The following ASIC2 variants were observed in gnomAD, a reference collection of about 807,000 sequenced individuals.
The protein encoded by ASIC2 is acid sensing ion channel subunit 2.
ASIC2 carries 25 observed loss-of-function variants against 57.3 expected under a neutral mutation model. That is an observed-to-expected ratio of 0.44 (90% CI 0.32 to 0.61). The LOEUF is 0.61. ASIC2 is among the 20% of genes least tolerant of loss of function. ASIC2 has a pLI of 0.06. For synonymous variants in ASIC2, 319 were observed against 307.5 expected (o/e 1.04, Z -0.39); for missense variants, 641 against 738.1 (o/e 0.87, Z 1.52).
intron 1 of ASIC2, among the ~76,000 whole-genome samples, chr17:33,348,723 T>C (rs898013532): frequency 1.3e-5 from 2 of 152,190 alleles, no homozygotes; most frequent in East Asian, 1.9e-4. Context: ...CTGATAGGAT[T>C]GGGCCTGTGA....
intron 1 of ASIC2, among the ~76,000 whole-genome samples, chr17:33,315,123 T>C (rs567564041): frequency 6.6e-6 from 1 of 152,182 alleles, no homozygotes; most frequent in Non-Finnish European, 1.5e-5. Context: ...ATCTGTATAA[T>C]GGGGGTAACA....
intron 3 of ASIC2, among the ~76,000 whole-genome samples, chr17:33,069,646 C>T (rs928095964): frequency 1.3e-5 from 2 of 152,160 alleles, no homozygotes; most frequent in African/African-American, 4.8e-5. Context: ...CTGATATTAG[C>T]ATAGCCATTT....
At chr17:33,253,066 C>G (rs1013818533) in intron 1 of ASIC2, among the ~76,000 whole-genome samples, 1 of 152,148 alleles carries the variant, frequency 6.6e-6, no homozygotes, top group African/African-American at 2.4e-5. Context: ...GTGTTAATGC[C>G]TTTGTTTGCT....
chr17:33,053,853 T>G (rs2091987496), intron 3 of ASIC2, among the ~76,000 whole-genome samples: 1 of 152,194 alleles, frequency 6.6e-6, no homozygotes, highest in African/African-American at 2.4e-5. Context: ...AAGGGACATA[T>G]TAATTCAGTT....
chr17:33,794,113 A>G (rs977726732), intron 1 of ASIC2: 2 of 152,234 alleles, frequency 1.3e-5, no homozygotes, highest in African/African-American at 4.8e-5. Flanking sequence ...TAGCTCACCC[A>G]TTCCACTGAG....
intron 1 of ASIC2, among the ~76,000 whole-genome samples, chr17:33,465,033 C>G (rs890740158): frequency 7.9e-5 from 12 of 151,998 alleles, no homozygotes; most frequent in African/African-American, 2.4e-4. Context: ...CATAAGACAC[C>G]AGGATAAAAG....
At chr17:33,764,401 G>C (rs867556377) in intron 1 of ASIC2, among the ~76,000 whole-genome samples, 1 of 151,996 alleles carries the variant, frequency 6.6e-6, no homozygotes, top group Middle Eastern at 3.5e-3. Context: ...TAGTGGGTGT[G>C]TTAGTCTATA....
At position 33,686,602 on chromosome 17, in the gene ASIC2, T is replaced by C. The variant is rs560009804; in HGVS notation, c.555+469376A>G. ...TCCTGCAGAAGAGAGAAGAGAGCTC[T>C]CTTGGCATTCCTGCAAGCAGCCTCA... On this transcript the variant is annotated intron_variant, in intron 1 of 9. Transcript: ENST00000359872. Among the ~76,000 whole-genome samples, 3 of 152,332 alleles carry C rather than the reference T, an allele frequency of 2.0e-5. No individual in the cohort carries two copies. In the East Asian group the frequency reaches 5.8e-4, roughly 29 times the overall value.
intron 1 of ASIC2, among the ~76,000 whole-genome samples, chr17:33,403,095 A>G (rs553650433): frequency 1.3e-5 from 2 of 152,284 alleles, no homozygotes; most frequent in East Asian, 3.9e-4. Flanking sequence ...CCTCTACCAT[A>G]AACATATGCT....
chr17:33,437,945 T>A (rs1911684781), intron 1 of ASIC2, among the ~76,000 whole-genome samples: 1 of 152,148 alleles, frequency 6.6e-6, no homozygotes. Context: ...GAGAGTAAAC[T>A]ACAGGCTTTT....
chr17:33,112,011 A>C lies in ASIC2; in HGVS notation c.765T>G (p.Pro255=). Residue 255 remains proline (P), a synonymous_variant, in exon 2 of 10, where the codon CCT becomes CCG. Coordinates refer to ENST00000225823, the MANE Select transcript of ASIC2 (RefSeq NM_183377.2). Reference sequence around the variant, plus strand: ...TCCCCCCCTTGACCGTGGTGAGCAGAGGTTTGCCATCCTCGCCTGAGTTAA... The same window carrying C: ...TCCCCCCCTTGACCGTGGTGAGCAGCGGTTTGCCATCCTCGCCTGAGTTAA... ...YMFNSGEDGK[P]LLTTVKGGTG... The C allele has an allele frequency of 6.2e-7, 1 of 1,613,992 alleles. No individual in the cohort carries two copies. Among genetic ancestry groups the C allele is most frequent in the Non-Finnish European group, 8.5e-7 (1 of 1,179,952 alleles).
chr17:33,571,574 CAATT>C (rs1468043565), intron 1 of ASIC2, among the ~76,000 whole-genome samples: 1 of 152,158 alleles, frequency 6.6e-6, no homozygotes, highest in Non-Finnish European at 1.5e-5. Flanking sequence ...TTATTTAGGA[CAATT>C]TATTCATTTA....
chr17:33,618,848 T>C (rs920254680), intron 1 of ASIC2, among the ~76,000 whole-genome samples: 12 of 152,350 alleles, frequency 7.9e-5, no homozygotes, highest in African/African-American at 2.9e-4. Flanking sequence ...GTTCCTCAAG[T>C]ACACCAGGCT....
rs1039251204 is a variant in ASIC2 at position 33,237,538 on chromosome 17, T to TG, written c.708+53869dup. 2.0e-4 allele frequency among the ~76,000 whole-genome samples: 30 copies of TG among 152,104 alleles called. 1 individual carries two copies. The highest frequency in any genetic ancestry group is 6.7e-4 in the African/African-American group (28 of 41,506). On this transcript the variant is annotated intron_variant, in intron 1 of 9. Coordinates refer to ENST00000225823, the MANE Select transcript of ASIC2 (RefSeq NM_183377.2). ...GGTGATTTTGTGTTTTTAGTAGAGA[T>TG]GGGGTTTCTCCATGTTGGTCAGGCT...
At chr17:33,348,445 T>C (rs537380195) in intron 1 of ASIC2, among the ~76,000 whole-genome samples, 13 of 152,144 alleles carry the variant, frequency 8.5e-5, no homozygotes, top group African/African-American at 2.7e-4. Flanking sequence ...AGAAAAAACA[T>C]CTCCACTCAC....
intron 1 of ASIC2, among the ~76,000 whole-genome samples, chr17:33,180,666 T>C (rs1905945907): frequency 6.6e-6 from 1 of 152,210 alleles, no homozygotes; most frequent in Non-Finnish European, 1.5e-5. Context: ...AAAAAATTTC[T>C]ACTGGGAACC....
At chr17:33,771,668 T>G (rs1255379509) in intron 1 of ASIC2, among the ~76,000 whole-genome samples, 1 of 152,208 alleles carries the variant, frequency 6.6e-6, no homozygotes, top group African/African-American at 2.4e-5. Flanking sequence ...CAAAAGTTCT[T>G]GGGGAGCTGT....
At chr17:34,100,437 C>G (rs1159487620) in intron 1 of ASIC2, among the ~76,000 whole-genome samples, 1 of 152,172 alleles carries the variant, frequency 6.6e-6, no homozygotes, top group African/African-American at 2.4e-5. Context: ...CTATTAATCA[C>G]TCATTCATTA....
intron 3 of ASIC2, chr17:33,052,993 A>T (rs2091983224): frequency 6.6e-6 from 1 of 152,190 alleles, no homozygotes; most frequent in Non-Finnish European, 1.5e-5. Flanking sequence ...CAGAGACACC[A>T]GTTGAGAGAA....
Sources: gnomAD v4.1 joint callset for allele counts (sites outside exome capture counted in the v4.1 genomes callset) on GRCh38, gnomAD v4.1.1 for gene constraint, MANE v1.5 for transcripts, NCBI Gene and HGNC (gene_info 2026-07-23, HGNC 2026-07-21) for gene names.